Variants in GALNTL6 observed in about 807,000 individuals in gnomAD.
GALNTL6 encodes polypeptide N-acetylgalactosaminyltransferase like 6.
A neutral mutation model predicts 73.7 loss-of-function variants in GALNTL6; 46 were observed. The observed-to-expected ratio is 0.62, with a 90% CI of 0.49 to 0.80. The LOEUF is 0.80. Ranked by LOEUF, GALNTL6 falls within the 30% of genes least tolerant of loss-of-function variation. The pLI, the probability that GALNTL6 is intolerant of heterozygous loss-of-function variation, is 0.00. For missense variants in GALNTL6, 604 were observed against 755.0 expected, an observed-to-expected ratio of 0.80 and a Z score of 2.34; for synonymous variants, 259 against 263.7, an observed-to-expected ratio of 0.98 and a Z score of 0.17.
intron 5 of GALNTL6, among the ~76,000 whole-genome samples, chr4:172,746,749 T>C (rs916326030): frequency 3.3e-5 from 5 of 152,126 alleles, no homozygotes; most frequent in African/African-American, 7.2e-5. Flanking sequence ...TCATACTTAA[T>C]GGTGAAAATG....
In GALNTL6 at chr4:172,967,788, C is replaced by T. The variant is rs143640500; in HGVS notation, c.1371+15530C>T. Among the ~76,000 whole-genome samples, 351 of 152,168 alleles carry T rather than the reference C, an allele frequency of 2.3e-3. 1 individual carries two copies. The highest frequency in any genetic ancestry group is 0.02 in the Middle Eastern group (6 of 294). On this transcript the variant is annotated intron_variant, in intron 10 of 12. Coordinates refer to ENST00000506823, the MANE Select transcript of GALNTL6 (RefSeq NM_001034845.3). ...ATAGGTACGTATGCATAAGAGAAAA[C>T]ATTGTATCTGTAGGGTTTGATACTA...
At chr4:172,758,807 C>T (rs747163709) in intron 5 of GALNTL6, among the ~76,000 whole-genome samples, 10 of 152,298 alleles carry the variant, frequency 6.6e-5, no homozygotes, top group African/African-American at 1.7e-4. Flanking sequence ...CTATTAGTCA[C>T]GTAGCAGCCC....
At chr4:172,559,649 T>C (rs543161523) in intron 5 of GALNTL6, among the ~76,000 whole-genome samples, 1 of 152,348 alleles carries the variant, frequency 6.6e-6, no homozygotes, top group South Asian at 2.1e-4. Flanking sequence ...ATTTTTCATA[T>C]AGTAAACTCT....
At chr4:172,385,045 C>T (rs1743416119) in intron 5 of GALNTL6, among the ~76,000 whole-genome samples, 2 of 146,020 alleles carry the variant, frequency 1.4e-5, no homozygotes, top group Admixed American at 6.8e-5. Flanking sequence ...TTTTTTTACC[C>T]ATTGGTTATT....
Position 172,931,246 on chromosome 4 carries a change from C to A in GALNTL6, c.1127C>A (p.Pro376Gln). Reference protein sequence around the residue: ...IYRKYVPYKVPSGTSLARNLK... With the variant: ...IYRKYVPYKVQSGTSLARNLK... ...AGGAAGTACGTTCCATACAAAGTTC[C>A]ATCTGGGACAAGCCTGGCAAGAGTG... Residue 376 changes from proline (P) to glutamine (Q), a missense_variant, in exon 9 of 13, where the codon CCA becomes CAA. Around this residue, in one of 5 missense-constraint regions of GALNTL6, gnomAD observed 261 missense variants for 296.5 expected, o/e 0.88. Transcript: ENST00000506823. The A allele has an allele frequency of 6.2e-7, 1 of 1,604,394 alleles. No individual in the cohort carries two copies. Among genetic ancestry groups the A allele is most frequent in the East Asian group, 2.2e-5 (1 of 44,826 alleles).
At chr4:172,788,532 C>T (rs1222908774) in intron 5 of GALNTL6, among the ~76,000 whole-genome samples, 6 of 151,718 alleles carry the variant, frequency 4.0e-5, no homozygotes, top group Non-Finnish European at 8.8e-5. Context: ...ATTAGCCGGG[C>T]GTGTTGGCGG....
chr4:171,860,763 G>A (rs779385157), intron 2 of GALNTL6, among the ~76,000 whole-genome samples: 5 of 152,048 alleles, frequency 3.3e-5, no homozygotes, highest in Non-Finnish European at 5.9e-5. Flanking sequence ...GATCTGTTTC[G>A]GTTCTGTTCC....
At chr4:172,036,700 G>A (rs1002523711) in intron 2 of GALNTL6, among the ~76,000 whole-genome samples, 3 of 152,008 alleles carry the variant, frequency 2.0e-5, no homozygotes, top group African/African-American at 7.2e-5. Context: ...AGTCATAGTC[G>A]TATAGCCTGA....
intron 5 of GALNTL6, among the ~76,000 whole-genome samples, chr4:172,723,474 A>T (rs139279879): frequency 6.6e-6 from 1 of 152,114 alleles, no homozygotes; most frequent in Non-Finnish European, 1.5e-5. Context: ...GTGGAAAGGG[A>T]TATGTCAAGT....
At chr4:172,362,898 C>T (rs1561046199) in intron 5 of GALNTL6, among the ~76,000 whole-genome samples, 1 of 152,160 alleles carries the variant, frequency 6.6e-6, no homozygotes, top group Admixed American at 6.6e-5. Context: ...TTTTCCTTCT[C>T]ATTCCATTCA....
chr4:172,703,868 C>T (rs1734174328), intron 5 of GALNTL6, among the ~76,000 whole-genome samples: 1 of 151,878 alleles, frequency 6.6e-6, no homozygotes. Flanking sequence ...GATTCAACCT[C>T]TTTATCCATT....
intron 2 of GALNTL6, among the ~76,000 whole-genome samples, chr4:171,978,867 A>G (rs1423738190): frequency 1.3e-5 from 2 of 148,924 alleles, no homozygotes; most frequent in East Asian, 3.9e-4. Context: ...GATAGATGAT[A>G]GATTTGATTT....
At chr4:172,488,235 G>A (rs1219767836) in intron 5 of GALNTL6, among the ~76,000 whole-genome samples, 4 of 152,102 alleles carry the variant, frequency 2.6e-5, no homozygotes, top group African/African-American at 9.7e-5. Context: ...ACAAAGACTA[G>A]TGTGTTTCTG....
chr4:172,996,733 T>G (rs1751806541), intron 10 of GALNTL6, among the ~76,000 whole-genome samples: 2 of 152,190 alleles, frequency 1.3e-5, no homozygotes, highest in South Asian at 4.1e-4. Context: ...CAGAACCAAG[T>G]AGAGTGATGT....
At position 173,041,316 on chromosome 4, in the gene GALNTL6, C is replaced by G. The variant is rs1399241253; in HGVS notation, c.*1216C>G. On this transcript the variant is annotated 3_prime_UTR_variant, in exon 13 of 13. Coordinates refer to ENST00000506823, the MANE Select transcript of GALNTL6 (RefSeq NM_001034845.3). ...ATTTTCTGTTAATGGGACAATATTT[C>G]GGGGATGAAGAAAGGAATGCTCCGA... 2 of 151,112 alleles carry G rather than the reference C, an allele frequency of 1.3e-5. No homozygotes were observed. The highest frequency in any genetic ancestry group is 4.9e-5 in the African/African-American group (2 of 41,080). 9.4% of individuals were successfully genotyped at this position (151,112 alleles called of 1,614,324 possible). A position where few individuals can be genotyped will look rare whatever the true frequency, so the allele number is the denominator to read the frequency against.
In GALNTL6 at chr4:172,242,323, TTGTA is replaced by T. The variant is rs201181205; in HGVS notation, c.247+12563_247+12566del. ...TCCATTCAGAGATGTGTGTGTGTGT[TTGTA>T]TGTGTGTGTGTGAGATGTGTATGTG... On this transcript the variant is annotated intron_variant, in intron 3 of 12. Coordinates refer to ENST00000506823, the MANE Select transcript of GALNTL6 (RefSeq NM_001034845.3). Among the ~76,000 whole-genome samples, 1,179 of 151,876 alleles carry T rather than the reference TTGTA, an allele frequency of 7.8e-3. 13 individuals are homozygous for T. The highest frequency in any genetic ancestry group is 0.027 in the African/African-American group (1,115 of 41,480).
intron 8 of GALNTL6, among the ~76,000 whole-genome samples, chr4:172,928,485 C>T (rs1748172419): frequency 6.6e-6 from 1 of 152,130 alleles, no homozygotes; most frequent in Non-Finnish European, 1.5e-5. Flanking sequence ...GTAGAATTGC[C>T]TTAAATTATC....
Position 172,420,523 on chromosome 4 carries a change from A to G in GALNTL6, c.553+71834A>G, listed in dbSNP as rs115939779. ...AGAGTAATAGGCAAAGGAAATTTGG[A>G]AGAGATTGAATTAGTTGTACATCCT... On this transcript the variant is annotated intron_variant, in intron 5 of 12. Transcript: ENST00000506823. Among the ~76,000 whole-genome samples, 774 of 152,278 alleles carry G rather than the reference A, an allele frequency of 5.1e-3. 5 individuals carry two copies. Among genetic ancestry groups the G allele is most frequent in the Non-Finnish European group, 8.8e-3 (597 of 68,022 alleles).
In GALNTL6 at chr4:172,803,361, A is replaced by G. The variant is rs1381626337; in HGVS notation, c.554-6000A>G. Among the ~76,000 whole-genome samples, 4 of 152,288 alleles carry G rather than the reference A, an allele frequency of 2.6e-5. No homozygotes were observed. The East Asian group carries it at 5.8e-4, about 22-fold the overall frequency. On this transcript the variant is annotated intron_variant, in intron 5 of 12. Transcript: ENST00000506823. ...AGCCAAACTCTATTGTGAACTACAC[A>G]TGTGAGGGATCTAGATTTTGCGCTC...
Sources: gnomAD v4.1 joint callset for allele counts (sites outside exome capture counted in the v4.1 genomes callset) on GRCh38, gnomAD v4.1.1 for gene constraint, gnomAD v4.1.1 regional missense constraint, MANE v1.5 for transcripts, NCBI Gene and HGNC (gene_info 2026-07-23, HGNC 2026-07-21) for gene names.